MARCHF1: variants seen among roughly 807,000 people sequenced by gnomAD.
MARCHF1 encodes the protein E3 ubiquitin-protein ligase MARCHF1.
In MARCHF1, 40 loss-of-function variants were observed where a neutral mutation model predicts 54.2. The ratio of observed to expected loss-of-function variants is 0.74; its 90% confidence interval spans 0.57 to 0.96. The LOEUF (loss-of-function observed/expected upper bound fraction) is 0.96, where lower values mean the gene tolerates loss of function less well. Among genes scored for constraint, MARCHF1 ranks in the 40% least tolerant of loss-of-function variants. The pLI is 0.00. For missense variants in MARCHF1, 586 were observed against 656.5 expected, an observed-to-expected ratio of 0.89 and a Z score of 1.17; for synonymous variants, 236 against 236.3, an observed-to-expected ratio of 1.00 and a Z score of 0.01.
chr4:163,803,487 C>T lies in MARCHF1; in HGVS notation c.111+50534G>A, dbSNP rs530534827. 2.0e-5 allele frequency among the ~76,000 whole-genome samples: 3 copies of T among 152,260 alleles called. No homozygotes were observed. The South Asian group carries it at 6.2e-4, about 32-fold the overall frequency. ...TGCCCGGCTGTAAAACATATTATTACGGAGTATACTCATTCACCATCCTGA... is the reference window on the plus strand; with the variant it reads ...TGCCCGGCTGTAAAACATATTATTATGGAGTATACTCATTCACCATCCTGA... On this transcript the variant is annotated intron_variant, in intron 4 of 9. Transcript: ENST00000514618.
chr4:163,895,211 A>G (rs1206992467), intron 3 of MARCHF1, among the ~76,000 whole-genome samples: 1 of 152,214 alleles, frequency 6.6e-6, no homozygotes, highest in African/African-American at 2.4e-5. Context: ...AACTTTTACA[A>G]GGAAGTTTTC....
rs1418110894 is a variant in MARCHF1, at chr4:164,106,261, A to T, written c.-248+5327T>A. On this transcript the variant is annotated intron_variant, in intron 2 of 9. Coordinates refer to ENST00000514618, the MANE Select transcript of MARCHF1 (RefSeq NM_001394959.1). ...TACCATTTGACCCAGCCATCCCATT[A>T]CTGGGTATATACCCAAAGGACTATA... 5.7e-5 allele frequency among the ~76,000 whole-genome samples: 7 copies of T among 122,102 alleles called. No homozygotes were observed. In the East Asian group the frequency reaches 1.5e-3, roughly 26 times the overall value. 80.1% of individuals were successfully genotyped at this position (122,102 alleles called of 152,430 possible).
chr4:163,755,274 C>T (rs1365734730), intron 4 of MARCHF1, among the ~76,000 whole-genome samples: 2 of 152,172 alleles, frequency 1.3e-5, no homozygotes, highest in African/African-American at 4.8e-5. Flanking sequence ...GAGATTGCTG[C>T]CCCCTACTGA....
chr4:163,932,603 G>T, intron 3 of MARCHF1: 2 of 397,050 alleles, frequency 5.0e-6, no homozygotes, highest in South Asian at 4.1e-5. Flanking sequence ...TGAAGGCCAT[G>T]ACCAAGCAGG....
chr4:164,213,629 T>C (rs937665138), intron 1 of MARCHF1, among the ~76,000 whole-genome samples: 1 of 152,062 alleles, frequency 6.6e-6, no homozygotes, highest in African/African-American at 2.4e-5. Context: ...TAAAATTAGG[T>C]TATCAATATT....
chr4:163,846,264 C>T (rs1485807949), intron 4 of MARCHF1, among the ~76,000 whole-genome samples: 1 of 152,056 alleles, frequency 6.6e-6, no homozygotes, highest in Non-Finnish European at 1.5e-5. Flanking sequence ...ATAAACTGGC[C>T]CACTTGCTCA....
intron 1 of MARCHF1, among the ~76,000 whole-genome samples, chr4:164,364,966 G>GTTTT (rs1730837980): frequency 6.6e-6 from 1 of 151,812 alleles, no homozygotes; most frequent in East Asian, 1.9e-4. Context: ...TAAAACTGAA[G>GTTTT]ATTCATACCA....
chr4:164,225,015 T>A (rs977061281), intron 1 of MARCHF1, among the ~76,000 whole-genome samples: 4 of 152,056 alleles, frequency 2.6e-5, no homozygotes, highest in Non-Finnish European at 4.4e-5. Context: ...GGTTTCTTTG[T>A]TGTCACTAAG....
At chr4:163,855,393 G>A (rs1322498121) in intron 3 of MARCHF1, among the ~76,000 whole-genome samples, 2 of 152,102 alleles carry the variant, frequency 1.3e-5, no homozygotes. Flanking sequence ...CAAACACATT[G>A]CTTGAGATTT....
intron 1 of MARCHF1, among the ~76,000 whole-genome samples, chr4:164,206,545 C>T (rs1731612480): frequency 6.6e-6 from 1 of 151,962 alleles, no homozygotes; most frequent in South Asian, 2.1e-4. Flanking sequence ...AAAACTTGTT[C>T]ATTAAAACAC....
intron 4 of MARCHF1, among the ~76,000 whole-genome samples, chr4:163,755,432 T>C (rs954205961): frequency 1.2e-4 from 19 of 152,288 alleles, no homozygotes; most frequent in South Asian, 2.1e-4. Flanking sequence ...ATATTATAGT[T>C]GGCAAACATC....
intron 1 of MARCHF1, among the ~76,000 whole-genome samples, chr4:164,346,202 T>C (rs912524014): frequency 6.6e-6 from 1 of 152,076 alleles, no homozygotes; most frequent in African/African-American, 2.4e-5. Context: ...GATAATGCCC[T>C]AGGTATATCA....
intron 2 of MARCHF1, among the ~76,000 whole-genome samples, chr4:164,101,342 T>G (rs956898311): frequency 6.9e-6 from 1 of 144,422 alleles, no homozygotes; most frequent in African/African-American, 2.5e-5. Flanking sequence ...AGCAGTAACC[T>G]CTGCAGACTT....
At chr4:164,062,456 C>T (rs542332835) in intron 2 of MARCHF1, among the ~76,000 whole-genome samples, 2 of 152,110 alleles carry the variant, frequency 1.3e-5, no homozygotes, top group East Asian at 3.9e-4. Context: ...TTGACTTTGT[C>T]CAGATCCATC....
At chr4:163,969,462 C>G (rs551219132) in intron 3 of MARCHF1, among the ~76,000 whole-genome samples, 2 of 152,272 alleles carry the variant, frequency 1.3e-5, no homozygotes, top group East Asian at 1.9e-4. Context: ...CTTGCCAATA[C>G]AGTTGGAACA....
intron 1 of MARCHF1, chr4:164,190,148 G>A: frequency 2.6e-6 from 4 of 1,553,868 alleles, no homozygotes; most frequent in Non-Finnish European, 3.5e-6. Flanking sequence ...AAGATAAGGA[G>A]ACCATGGAAA....
At chr4:163,557,489 G>GT (rs138191174) in intron 8 of MARCHF1, among the ~76,000 whole-genome samples, 26,069 of 152,022 alleles carry the variant, frequency 0.17, 2,226 homozygotes, top group South Asian at 0.23. Context: ...CAAGGGGTGT[G>GT]TTTTTTTGTA....
chr4:163,877,484 A>G (rs1395490225), intron 3 of MARCHF1, among the ~76,000 whole-genome samples: 2 of 150,602 alleles, frequency 1.3e-5, no homozygotes, highest in Non-Finnish European at 3.0e-5. Flanking sequence ...TTTCTAATGA[A>G]CAGAAAGATA....
At chr4:163,546,057 C>T (rs193210471) in intron 8 of MARCHF1, among the ~76,000 whole-genome samples, 152 of 149,366 alleles carry the variant, frequency 1.0e-3, no homozygotes, top group African/African-American at 3.5e-3. Flanking sequence ...TCACTGCAAC[C>T]GCTGCCTCCC....
Sources: gnomAD v4.1 joint callset for allele counts (sites outside exome capture counted in the v4.1 genomes callset) on GRCh38, gnomAD v4.1.1 for gene constraint, MANE v1.5 for transcripts, NCBI Gene and HGNC (gene_info 2026-07-23, HGNC 2026-07-21) for gene names.